Variants in CLCN3 observed in about 807,000 individuals in gnomAD.
The protein encoded by CLCN3 is Cl-/H+ antiporter 3, also known as H(+)/Cl(-) exchange transporter 3.
A neutral mutation model predicts 83.4 loss-of-function variants in CLCN3; 16 were observed. That is an observed-to-expected ratio of 0.19 (90% confidence interval 0.13 to 0.29). The LOEUF is 0.29. Among genes scored for constraint, CLCN3 ranks in the 10% least tolerant of loss-of-function variants. The pLI, the probability that CLCN3 is intolerant of heterozygous loss-of-function variation, is 1.00. For synonymous variants in CLCN3, 322 were observed against 346.2 expected, an observed-to-expected ratio of 0.93 and a Z score of 0.78; for missense variants, 544 against 1,006.0, an observed-to-expected ratio of 0.54 and a Z score of 6.21.
intron 8 of CLCN3, 91 bp downstream of exon 8, chr4:169,695,783 G>A: frequency 1.3e-6 from 1 of 763,348 alleles, no homozygotes; most frequent in East Asian, 2.9e-5. Context: ...GATGTAATAG[G>A]TAGAGACTTT....
intron 2 of CLCN3, among the ~76,000 whole-genome samples, chr4:169,636,843 T>G (rs1287442053): frequency 6.6e-6 from 1 of 152,004 alleles, no homozygotes; most frequent in Non-Finnish European, 1.5e-5. Context: ...ATGATTTATA[T>G]CACAGAATGG....
At chr4:169,689,326 AC>A in intron 5 of CLCN3, 96 bp downstream of exon 5, 4 of 1,024,448 alleles carry the variant, frequency 3.9e-6, no homozygotes, top group Non-Finnish European at 5.6e-6. Context: ...TTAGATGATT[AC>A]ATACACATCA....
chr4:169,633,525 A>G (rs922702807), intron 1 of CLCN3, among the ~76,000 whole-genome samples: 5 of 152,212 alleles, frequency 3.3e-5, no homozygotes, highest in African/African-American at 1.2e-4. Context: ...GAACCTGAAA[A>G]TATTTAACAC....
intron 3 of CLCN3, among the ~76,000 whole-genome samples, chr4:169,685,826 G>C (rs1342111962): frequency 6.6e-6 from 1 of 152,134 alleles, no homozygotes; most frequent in African/African-American, 2.4e-5. Flanking sequence ...AAGCAACATG[G>C]AGTTTAGTGA....
At position 169,697,421 on chromosome 4, in the gene CLCN3, G is replaced by A. The variant is rs775316167; in HGVS notation, c.1250G>A (p.Arg417Gln). 4.3e-6 allele frequency: 7 copies of A among 1,613,960 alleles called. No individual in the cohort carries two copies. The Admixed American group carries it at 5.0e-5, about 12-fold the overall frequency. The change falls in exon 9 of 13, where the codon CGA (arginine) becomes CAA (glutamine). Residue 417 changes from arginine (R) to glutamine (Q), a missense_variant. Arg to Gln is a conservative substitution (Grantham distance 43, BLOSUM62 1). Transcript: ENST00000513761. The part of the protein sequence containing the change: ...FIRANIAWCR[R>Q]RKSTKFGKYP... ...AGGGCAAATATTGCCTGGTGTCGTC[G>A]ACGCAAGTCCACGAAATTTGGAAAG...
At chr4:169,674,326 C>T (rs1291344023) in intron 2 of CLCN3, among the ~76,000 whole-genome samples, 1 of 152,082 alleles carries the variant, frequency 6.6e-6, no homozygotes, top group Non-Finnish European at 1.5e-5. Context: ...CACAGAAGTA[C>T]TGTATATCTT....
At chr4:169,645,769 A>G (rs1350776128) in intron 2 of CLCN3, among the ~76,000 whole-genome samples, 1 of 152,092 alleles carries the variant, frequency 6.6e-6, no homozygotes, top group Non-Finnish European at 1.5e-5. Flanking sequence ...TGCTTCTTAA[A>G]TTAGCCCTCA....
chr4:169,683,784 C>T (rs1286977111), intron 3 of CLCN3, among the ~76,000 whole-genome samples: 2 of 149,968 alleles, frequency 1.3e-5, no homozygotes, highest in East Asian at 1.9e-4. Context: ...TGCTCTTTTG[C>T]CCAGGCTGAA....
intron 5 of CLCN3, 128 bp downstream of exon 5, chr4:169,689,358 A>G (rs1209514898): frequency 8.6e-6 from 6 of 696,088 alleles, no homozygotes; most frequent in Middle Eastern, 3.8e-4. Flanking sequence ...CCCTCAACAC[A>G]TTGCAGCAAG....
intron 9 of CLCN3, among the ~76,000 whole-genome samples, chr4:169,701,072 T>C (rs1028193792): frequency 5.3e-5 from 8 of 152,204 alleles, no homozygotes; most frequent in Non-Finnish European, 1.5e-5. Flanking sequence ...TTTGATACCA[T>C]TTTACCTACA....
chr4:169,683,892 C>T (rs898954754), intron 3 of CLCN3, among the ~76,000 whole-genome samples: 4 of 152,032 alleles, frequency 2.6e-5, no homozygotes, highest in Admixed American at 6.6e-5. Flanking sequence ...TACAGGCATA[C>T]GCCACCACAC....
At chr4:169,626,477 T>A (rs1773238171) in intron 1 of CLCN3, among the ~76,000 whole-genome samples, 1 of 152,220 alleles carries the variant, frequency 6.6e-6, no homozygotes, top group South Asian at 2.1e-4. Flanking sequence ...GGCCTGCCTG[T>A]CCAACTTCTT....
At chr4:169,693,064 T>C (rs1429442112) in intron 7 of CLCN3, among the ~76,000 whole-genome samples, 2 of 152,192 alleles carry the variant, frequency 1.3e-5, no homozygotes, top group African/African-American at 4.8e-5. Flanking sequence ...GGTACAGAGA[T>C]CTTTGAGTTT....
At chr4:169,703,221 T>C (rs1732864803) in intron 9 of CLCN3, among the ~76,000 whole-genome samples, 1 of 152,222 alleles carries the variant, frequency 6.6e-6, no homozygotes, top group African/African-American at 2.4e-5. Flanking sequence ...GTTGGAAAAG[T>C]AGTGCTGATG....
chr4:169,634,516 A>C (rs1421422955), intron 1 of CLCN3, among the ~76,000 whole-genome samples: 1 of 152,216 alleles, frequency 6.6e-6, no homozygotes, highest in Non-Finnish European at 1.5e-5. Context: ...AACTACTTTC[A>C]TACTTTCCTA....
chr4:169,697,304 A>G lies in CLCN3; in HGVS notation c.1133A>G (p.Tyr378Cys). 6.2e-7 allele frequency: 1 copy of G among 1,613,664 alleles called. No individual in the cohort carries two copies. Among genetic ancestry groups the G allele is most frequent in the South Asian group, 1.1e-5 (1 of 91,040 alleles). ...PFGNSRLVLFYVEYHTPWYLF... is the reference protein window; with the variant it reads ...PFGNSRLVLFCVEYHTPWYLF... ...GGTAACAGCCGTCTGGTCCTTTTTT[A>G]TGTGGAGTATCATACACCATGGTAC... The change falls in exon 9 of 13, where the codon TAT (tyrosine) becomes TGT (cysteine). Residue 378 changes from tyrosine (Y) to cysteine (C), a missense_variant. Physicochemically the swap from Tyr to Cys is radical, Grantham distance 194 (BLOSUM62 -2). Transcript: ENST00000513761.
chr4:169,716,313 G>A (rs549841312), intron 12 of CLCN3, among the ~76,000 whole-genome samples: 8 of 152,180 alleles, frequency 5.3e-5, no homozygotes, highest in South Asian at 2.1e-4. Flanking sequence ...CCACTGGGTC[G>A]TTATACATTT....
intron 2 of CLCN3, among the ~76,000 whole-genome samples, chr4:169,659,246 T>C (rs1001526624): frequency 1.3e-5 from 2 of 152,204 alleles, no homozygotes; most frequent in African/African-American, 4.8e-5. Context: ...CTATAAAATA[T>C]TGAACTCTGA....
intron 2 of CLCN3, among the ~76,000 whole-genome samples, 163 bp from the exon 3 acceptor site, chr4:169,679,887 C>G (rs77300125): frequency 8.2e-6 from 1 of 121,324 alleles, no homozygotes; most frequent in Non-Finnish European, 1.9e-5. Flanking sequence ...AGGCGGGAGT[C>G]GGAGACGAGG....
Sources: gnomAD v4.1 joint callset for allele counts (sites outside exome capture counted in the v4.1 genomes callset) on GRCh38, gnomAD v4.1.1 for gene constraint, MANE v1.5 for transcripts, NCBI Gene and HGNC (gene_info 2026-07-23, HGNC 2026-07-21) for gene names.